The following KCNA6 variants were observed in gnomAD, a reference collection of about 807,000 sequenced individuals.
KCNA6 encodes potassium voltage-gated channel subfamily A member 6.
KCNA6 carries 17 observed loss-of-function variants against 29.5 expected under a neutral mutation model. The ratio of observed to expected loss-of-function variants is 0.58; its 90% CI spans 0.39 to 0.86. The LOEUF (loss-of-function observed/expected upper bound fraction) is 0.86. KCNA6 is among the 40% of genes least tolerant of loss of function. KCNA6 has a pLI of 0.00. For synonymous variants in KCNA6, 296 were observed against 304.7 expected (o/e 0.97, Z 0.30); for missense variants, 450 against 703.4 (o/e 0.64, Z 4.07).
the KCNA6 span, among the ~76,000 whole-genome samples, chr12:4,842,012 CGTGTGTGTGTGTGT>C: frequency 1.0e-3 from 130 of 124,980 alleles, no homozygotes; most frequent in South Asian, 2.7e-3. Flanking sequence ...ATGGAGCTTA[CGTGTGTGTGTGTGT>C]GTGTGTGTGT....
chr12:4,809,779 C>T, exon 1 of KCNA6: 1 of 420,814 alleles, frequency 2.4e-6, no homozygotes, highest in Non-Finnish European at 4.2e-6. Context: ...CCGGGCATCC[C>T]AGTAAGCTCT....
chr12:4,847,059 C>T, the KCNA6 span, among the ~76,000 whole-genome samples: 60 of 152,048 alleles, frequency 3.9e-4, no homozygotes, highest in African/African-American at 1.4e-3. Context: ...GCTGGGATTA[C>T]AGACGTGAGC....
the KCNA6 span, among the ~76,000 whole-genome samples, chr12:4,835,231 T>C: frequency 3.7e-4 from 42 of 113,046 alleles, no homozygotes; most frequent in Non-Finnish European, 5.1e-4. Context: ...GCCTCCCGGG[T>C]TCACACCATT....
chr12:4,821,910 C>G, the KCNA6 span, among the ~76,000 whole-genome samples: 1 of 152,104 alleles, frequency 6.6e-6, no homozygotes, highest in Non-Finnish European at 1.5e-5. Context: ...GGTCTCGGCT[C>G]ACCGCAACCT....
chr12:4,843,520 G>A, the KCNA6 span, among the ~76,000 whole-genome samples: 28 of 152,150 alleles, frequency 1.8e-4, no homozygotes, highest in Admixed American at 1.8e-3. Context: ...TATGCACACA[G>A]TTTGAAAAGC....
chr12:4,824,465 C>T, the KCNA6 span, among the ~76,000 whole-genome samples: 4 of 152,304 alleles, frequency 2.6e-5, no homozygotes, highest in African/African-American at 9.6e-5. Context: ...GGCTTACTAC[C>T]TTCTTAGAGT....
At chr12:4,840,724 T>A in the KCNA6 span, among the ~76,000 whole-genome samples, 9 of 152,212 alleles carry the variant, frequency 5.9e-5, no homozygotes, top group Non-Finnish European at 1.2e-4. Context: ...CAGATTCTGG[T>A]CCCAGAATTC....
chr12:4,816,284 G>A (rs1051585088), downstream of KCNA6, among the ~76,000 whole-genome samples: 1 of 150,444 alleles, frequency 6.6e-6, no homozygotes, highest in East Asian at 1.9e-4. Context: ...GTGTGTGTGT[G>A]TGTGTGTGTG....
downstream of KCNA6, chr12:4,813,760 G>A (rs917015831): frequency 6.0e-6 from 1 of 167,200 alleles, no homozygotes; most frequent in African/African-American, 2.4e-5. Context: ...GGAAAGAAGA[G>A]AAAAGCCCAT....
chr12:4,828,219 G>T, the KCNA6 span, among the ~76,000 whole-genome samples: 1 of 152,084 alleles, frequency 6.6e-6, no homozygotes, highest in African/African-American at 2.4e-5. Flanking sequence ...GACACTCAGT[G>T]TTGGAACTTG....
chr12:4,815,720 A>G (rs1005997244), downstream of KCNA6, among the ~76,000 whole-genome samples: 5 of 152,210 alleles, frequency 3.3e-5, no homozygotes, highest in Non-Finnish European at 7.4e-5. Flanking sequence ...TCGGGTACTG[A>G]AGGCAGAACA....
In KCNA6 at chr12:4,811,220, C is replaced by T. The variant is rs932096357; in HGVS notation, c.1179C>T (p.Ala393=). ...TCGGGGTCATCCTCTTCTCCAGTGC[C>T]GTCTACTTCGCAGAGGCTGACGATG... Residue 393 remains alanine, a synonymous_variant, in exon 1 of 1, where the codon GCC becomes GCT. Transcript: ENST00000280684. This position sits in a 1 kb window ranked among gnomAD's most constrained non-coding sequence, Gnocchi z 7.1. 10 of 1,614,116 alleles carry T rather than the reference C, an allele frequency of 6.2e-6. No individual in the cohort carries two copies. The Admixed American group carries it at 6.7e-5, about 11-fold the overall frequency.
At chr12:4,849,489 C>CTTTT in the KCNA6 span, among the ~76,000 whole-genome samples, 58 of 101,410 alleles carry the variant, frequency 5.7e-4, 2 homozygotes, top group African/African-American at 2.0e-3. Context: ...GATTTTTGCT[C>CTTTT]TTTTTTTTTT....
the KCNA6 span, among the ~76,000 whole-genome samples, chr12:4,826,382 A>C: frequency 6.6e-6 from 1 of 152,190 alleles, no homozygotes. Context: ...CTGTGCTCAG[A>C]GGCAAAAGCA....
At chr12:4,831,838 C>G in the KCNA6 span, among the ~76,000 whole-genome samples, 1 of 152,272 alleles carries the variant, frequency 6.6e-6, no homozygotes, top group Admixed American at 6.5e-5. Flanking sequence ...TCAGACTGAT[C>G]TGGGCTCAAA....
chr12:4,828,683 T>C, the KCNA6 span, among the ~76,000 whole-genome samples: 4 of 152,172 alleles, frequency 2.6e-5, no homozygotes, highest in Non-Finnish European at 5.9e-5. Flanking sequence ...AGTTGCCCCG[T>C]TATTATCTCC....
At chr12:4,848,526 A>T in the KCNA6 span, among the ~76,000 whole-genome samples, 24 of 151,244 alleles carry the variant, frequency 1.6e-4, no homozygotes, top group Non-Finnish European at 3.1e-4. Context: ...AAAAAAAAAA[A>T]ATCCAACTTT....
exon 1 of KCNA6, chr12:4,809,766 G>T: frequency 2.5e-6 from 1 of 392,574 alleles, no homozygotes; most frequent in Non-Finnish European, 4.5e-6. Flanking sequence ...CCTGTGTGCG[G>T]TTCCGGGCAT....
the KCNA6 span, chr12:4,842,383 G>C: frequency 4.6e-5 from 7 of 152,324 alleles, no homozygotes; most frequent in Admixed American, 3.3e-4. Flanking sequence ...CAGCCTTGGA[G>C]CCACAGGATG....
Sources: allele counts gnomAD v4.1 joint callset (sites outside exome capture counted in the v4.1 genomes callset), GRCh38; gene constraint gnomAD v4.1.1; non-coding constraint Gnocchi (gnomAD v3.1); transcripts MANE v1.5; gene names NCBI Gene and HGNC (gene_info 2026-07-23, HGNC 2026-07-21).